Variants in MTUS2 observed in about 807,000 individuals in gnomAD.
MTUS2 encodes microtubule-associated tumor suppressor candidate 2.
In MTUS2, 40 loss-of-function variants were observed where a neutral mutation model predicts 114.1. The observed-to-expected ratio is 0.35, with a 90% CI of 0.27 to 0.46. MTUS2 has a LOEUF of 0.46. Among genes scored for constraint, MTUS2 ranks in the 20% least tolerant of loss-of-function variants. The pLI, the probability that MTUS2 is intolerant of heterozygous loss-of-function variation, is 1.00. For synonymous variants in MTUS2, 688 were observed against 672.0 expected, an observed-to-expected ratio of 1.02 and a Z score of -0.37; for missense variants, 1,679 against 1,705.4, an observed-to-expected ratio of 0.98 and a Z score of 0.27.
chr13:28,830,410 AATG>A (rs776056987), intron 1 of MTUS2, among the ~76,000 whole-genome samples: 2 of 152,174 alleles, frequency 1.3e-5, no homozygotes, highest in Non-Finnish European at 2.9e-5. Context: ...AAAGTAGAAA[AATG>A]ATGTCTCTTC....
At chr13:28,971,393 A>G (rs559842006) in intron 2 of MTUS2, among the ~76,000 whole-genome samples, 108 of 152,354 alleles carry the variant, frequency 7.1e-4, no homozygotes, top group African/African-American at 2.3e-3. Context: ...CCAAGTACCT[A>G]GGATATGTCC....
At chr13:29,050,618 C>T (rs1322380538) in intron 4 of MTUS2, among the ~76,000 whole-genome samples, 1 of 152,198 alleles carries the variant, frequency 6.6e-6, no homozygotes, top group African/African-American at 2.4e-5. Flanking sequence ...CCCAGCTTCA[C>T]CACCAGTGAA....
chr13:29,015,797 T>C (rs1886040506), intron 2 of MTUS2, among the ~76,000 whole-genome samples: 1 of 152,240 alleles, frequency 6.6e-6, no homozygotes, highest in Admixed American at 6.5e-5. Flanking sequence ...GAACATGACA[T>C]GCAAAGTGAA....
intron 7 of MTUS2, among the ~76,000 whole-genome samples, chr13:29,326,905 G>T (rs925280575): frequency 6.6e-6 from 1 of 152,086 alleles, no homozygotes; most frequent in African/African-American, 2.4e-5. Context: ...ATTTGAACCT[G>T]GGAGGCAGAG....
intron 4 of MTUS2, among the ~76,000 whole-genome samples, chr13:29,088,537 G>C (rs1889799610): frequency 6.6e-6 from 1 of 152,146 alleles, no homozygotes; most frequent in Admixed American, 6.5e-5. Context: ...CTTCGTTAAT[G>C]TTCTGCCTTG....
chr13:29,155,132 A>C (rs1452942382), intron 5 of MTUS2, among the ~76,000 whole-genome samples: 1 of 152,198 alleles, frequency 6.6e-6, no homozygotes, highest in Non-Finnish European at 1.5e-5. Flanking sequence ...AGGTTGATAA[A>C]GGTAAAATAT....
intron 5 of MTUS2, among the ~76,000 whole-genome samples, chr13:29,163,985 ACT>A (rs895165694): frequency 5.9e-5 from 9 of 151,792 alleles, no homozygotes; most frequent in Non-Finnish European, 7.4e-5. Context: ...GTCGCTGAAA[ACT>A]CTGCTACACG....
chr13:29,340,080 G>A (rs1901312149), intron 7 of MTUS2, among the ~76,000 whole-genome samples: 1 of 152,244 alleles, frequency 6.6e-6, no homozygotes, highest in Admixed American at 6.5e-5. Flanking sequence ...AGCATCGCAA[G>A]CTGGCACCCT....
chr13:29,065,912 A>C (rs936202573), intron 4 of MTUS2, among the ~76,000 whole-genome samples: 42 of 146,562 alleles, frequency 2.9e-4, no homozygotes, highest in East Asian at 8.0e-4. Flanking sequence ...ACAAATTCAA[A>C]CCCCCCCCCA....
At chr13:28,916,841 A>T (rs2138036193) in intron 2 of MTUS2, among the ~76,000 whole-genome samples, 1 of 151,800 alleles carries the variant, frequency 6.6e-6, no homozygotes, top group South Asian at 2.1e-4. Context: ...TCCTTGTTGC[A>T]TTCCAGATCT....
At chr13:29,073,260 C>T (rs1302971239) in intron 4 of MTUS2, among the ~76,000 whole-genome samples, 3 of 152,194 alleles carry the variant, frequency 2.0e-5, no homozygotes, top group Non-Finnish European at 4.4e-5. Context: ...AAGATTTGAA[C>T]CTCAATTAAA....
At chr13:28,851,820 A>ACC (rs1555267612) in intron 2 of MTUS2, among the ~76,000 whole-genome samples, 2 of 151,820 alleles carry the variant, frequency 1.3e-5, no homozygotes, top group East Asian at 3.9e-4. Flanking sequence ...AGCAGGACTT[A>ACC]GCGCCCAGCT....
At chr13:29,314,330 T>C (rs1899897043) in intron 6 of MTUS2, among the ~76,000 whole-genome samples, 1 of 152,176 alleles carries the variant, frequency 6.6e-6, no homozygotes, top group African/African-American at 2.4e-5. Context: ...ATTAGCAATA[T>C]ATACATAGAA....
chr13:29,193,172 C>G (rs534131590), intron 5 of MTUS2, among the ~76,000 whole-genome samples: 1 of 152,176 alleles, frequency 6.6e-6, no homozygotes, highest in Admixed American at 6.5e-5. Context: ...AGTGCAGGAG[C>G]TGGTGGGAGA....
chr13:29,141,478 C>A (rs368013638), intron 5 of MTUS2, among the ~76,000 whole-genome samples: 1 of 152,098 alleles, frequency 6.6e-6, no homozygotes, highest in African/African-American at 2.4e-5. Flanking sequence ...TGATTGCAGC[C>A]TTGTGGTTAC....
At chr13:29,312,525 TA>T (rs767190536) in intron 6 of MTUS2, among the ~76,000 whole-genome samples, 9 of 152,318 alleles carry the variant, frequency 5.9e-5, no homozygotes, top group Non-Finnish European at 1.0e-4. Flanking sequence ...ATGTTAGCTT[TA>T]AAAAGGGCAC....
chr13:29,231,150 G>A (rs1193136088), intron 5 of MTUS2, among the ~76,000 whole-genome samples: 2 of 152,102 alleles, frequency 1.3e-5, no homozygotes, highest in Non-Finnish European at 2.9e-5. Flanking sequence ...AGAATTTCCT[G>A]GTGAATGATT....
chr13:28,910,156 C>A (rs576949994), intron 2 of MTUS2, among the ~76,000 whole-genome samples: 1 of 152,138 alleles, frequency 6.6e-6, no homozygotes. Context: ...CTATTAACCA[C>A]TCCCATTTCC....
chr13:29,158,358 C>CCCCCCCCCTTTTT, intron 5 of MTUS2, among the ~76,000 whole-genome samples: 17 of 32,054 alleles, frequency 5.3e-4, no homozygotes, highest in South Asian at 2.5e-3. Context: ...GTCCACCCCG[C>CCCCCCCCCTTTTT]TTTTTTTTTT....
Sources: allele counts gnomAD v4.1 joint callset (sites outside exome capture counted in the v4.1 genomes callset), GRCh38; gene constraint gnomAD v4.1.1; transcripts MANE v1.5; gene names NCBI Gene and HGNC (gene_info 2026-07-23, HGNC 2026-07-21).